IL1RAPL1: variants seen among roughly 807,000 people sequenced by gnomAD.
IL1RAPL1 encodes the protein interleukin 1 receptor accessory protein like 1.
In IL1RAPL1, 3 loss-of-function variants were observed where a neutral mutation model predicts 48.4. That is an observed-to-expected ratio of 0.06 (90% CI 0.03 to 0.16). The LOEUF is 0.16. Ranked by LOEUF, IL1RAPL1 falls within the 10% of genes least tolerant of loss-of-function variation. The pLI is 1.00. For missense variants in IL1RAPL1, 349 were observed against 530.6 expected (o/e 0.66, Z 3.36); for synonymous variants, 185 against 187.7 (o/e 0.99, Z 0.12).
chrX:29,295,758 C>T (rs981419619), intron 3 of IL1RAPL1, among the ~76,000 whole-genome samples: 1 of 111,366 alleles, frequency 9.0e-6, no homozygotes, highest in African/African-American at 3.3e-5. Context: ...CTCTGTCCAT[C>T]ATATCTACGC....
intron 5 of IL1RAPL1, among the ~76,000 whole-genome samples, chrX:29,551,227 G>A (rs760858532): frequency 4.9e-4 from 55 of 112,078 alleles, no homozygotes; most frequent in Non-Finnish European, 6.8e-4. Flanking sequence ...ATGAGCCCTT[G>A]GGTTGTTTCC....
chrX:28,852,440 G>A (rs977321763), intron 2 of IL1RAPL1, among the ~76,000 whole-genome samples: 5 of 109,746 alleles, frequency 4.6e-5, no homozygotes, highest in African/African-American at 1.0e-4. Flanking sequence ...TACTGTCTAT[G>A]TATTGTCTCA....
intron 1 of IL1RAPL1, among the ~76,000 whole-genome samples, chrX:28,654,706 A>G (rs1468463848): frequency 8.9e-6 from 1 of 111,957 alleles, no homozygotes; most frequent in Non-Finnish European, 1.9e-5. Context: ...AGCAACTACT[A>G]TGTGTCAGAC....
intron 3 of IL1RAPL1, among the ~76,000 whole-genome samples, chrX:29,355,713 C>T (rs1040288832): frequency 2.7e-5 from 3 of 111,451 alleles, no homozygotes; most frequent in African/African-American, 9.7e-5. Context: ...GGAAAAAGAC[C>T]GTATCTGTGA....
chrX:29,531,169 GT>G (rs34439376), intron 5 of IL1RAPL1, among the ~76,000 whole-genome samples: 10,663 of 104,678 alleles, frequency 0.1, 441 homozygotes, highest in South Asian at 0.29. Flanking sequence ...AAAAAAATCT[GT>G]TTTTTTTTTA....
At chrX:29,853,273 C>T (rs1931410554) in intron 6 of IL1RAPL1, among the ~76,000 whole-genome samples, 1 of 107,535 alleles carries the variant, frequency 9.3e-6, no homozygotes. Flanking sequence ...GTGGGAGGTC[C>T]CTTGAGCCTA....
Position 28,686,463 on chromosome X carries a change from C to T in IL1RAPL1, c.-25+98416C>T, listed in dbSNP as rs1319787120. ...CCAGTGGTCATTTGTGATTGACACA[C>T]TAAAAATATAATGTGAACACTTGGA... On this transcript the variant is annotated intron_variant, in intron 1 of 10. Coordinates refer to ENST00000378993, the MANE Select transcript of IL1RAPL1 (RefSeq NM_014271.4). Among the ~76,000 whole-genome samples, 4 of 111,843 alleles carry T rather than the reference C, an allele frequency of 3.6e-5. No homozygotes were observed. In the East Asian group the frequency reaches 8.4e-4, roughly 24 times the overall value.
chrX:29,154,718 G>A (rs1929533815), intron 2 of IL1RAPL1, among the ~76,000 whole-genome samples: 1 of 111,666 alleles, frequency 9.0e-6, no homozygotes, highest in Admixed American at 9.6e-5. Context: ...CAACCAAAGA[G>A]ATTATGACTT....
chrX:29,057,127 G>A (rs1282452870), intron 2 of IL1RAPL1, among the ~76,000 whole-genome samples: 3 of 111,712 alleles, frequency 2.7e-5, no homozygotes, highest in Non-Finnish European at 5.7e-5. Context: ...TTATGTCTAG[G>A]TAAACTGATG....
chrX:29,409,892 G>A (rs901331082), intron 5 of IL1RAPL1, among the ~76,000 whole-genome samples: 88 of 99,693 alleles, frequency 8.8e-4, no homozygotes, highest in African/African-American at 2.9e-3. Flanking sequence ...GCACGATATC[G>A]GCTCACCACA....
At chrX:29,018,975 A>G (rs1214627359) in intron 2 of IL1RAPL1, among the ~76,000 whole-genome samples, 1 of 111,926 alleles carries the variant, frequency 8.9e-6, no homozygotes, top group Non-Finnish European at 1.9e-5. Flanking sequence ...AAGCAGTATA[A>G]CTGACCTCAG....
Position 29,862,135 on chromosome X carries a change from G to A in IL1RAPL1, c.779-55329G>A, listed in dbSNP as rs189207217. Reference sequence around the variant, plus strand: ...GATCACACCAACTGCAGTCCAGCCTGGGCGACAGAGCAAGACCCTGTCTCA... The same window carrying A: ...GATCACACCAACTGCAGTCCAGCCTAGGCGACAGAGCAAGACCCTGTCTCA... On this transcript the variant is annotated intron_variant, in intron 6 of 10. Coordinates refer to ENST00000378993, the MANE Select transcript of IL1RAPL1 (RefSeq NM_014271.4). 1.7e-3 allele frequency among the ~76,000 whole-genome samples: 187 copies of A among 107,854 alleles called. 2 individuals carry two copies. Among genetic ancestry groups the A allele is most frequent in the African/African-American group, 6.3e-3 (183 of 28,893 alleles). 93.7% of individuals were successfully genotyped at this position (107,854 alleles called of 115,157 possible).
At chrX:28,923,526 C>A (rs1238046135) in intron 2 of IL1RAPL1, among the ~76,000 whole-genome samples, 2 of 111,506 alleles carry the variant, frequency 1.8e-5, no homozygotes, top group Non-Finnish European at 3.8e-5. Flanking sequence ...GAATATTGAA[C>A]TCTAGTGAAT....
intron 1 of IL1RAPL1, among the ~76,000 whole-genome samples, chrX:28,605,391 C>A (rs1934072419): frequency 9.0e-6 from 1 of 111,678 alleles, no homozygotes; most frequent in Non-Finnish European, 1.9e-5. Context: ...TTGTTCAGAC[C>A]CAAAACCTTG....
intron 5 of IL1RAPL1, among the ~76,000 whole-genome samples, chrX:29,505,169 G>C (rs954749769): frequency 7.2e-5 from 8 of 111,701 alleles, no homozygotes; most frequent in Non-Finnish European, 1.5e-4. Flanking sequence ...GTTTGACTCT[G>C]TTTTCTCAAT....
At chrX:28,724,423 C>G (rs1170869163) in intron 1 of IL1RAPL1, among the ~76,000 whole-genome samples, 2 of 110,272 alleles carry the variant, frequency 1.8e-5, no homozygotes, top group African/African-American at 6.6e-5. Context: ...CAACCCCTGC[C>G]TTTTTTTTGT....
rs144867513 is a variant in IL1RAPL1 at position 29,018,096 on chromosome X, G to A, written c.82+228671G>A. ...ACCTGGTTCTCCATATCCAATTCAT[G>A]ATTATCACCTTTGTATTGATATTTT... On this transcript the variant is annotated intron_variant, in intron 2 of 10. Transcript: ENST00000378993. Among the ~76,000 whole-genome samples the A allele has an allele frequency of 3.9e-3, 431 of 111,731 alleles. 7 individuals are homozygous for A. In the East Asian group the frequency reaches 0.045, roughly 12 times the overall value.
chrX:29,315,660 G>T (rs1033860605), intron 3 of IL1RAPL1, among the ~76,000 whole-genome samples: 1 of 111,728 alleles, frequency 9.0e-6, no homozygotes, highest in Non-Finnish European at 1.9e-5. Flanking sequence ...TAAGGTCCAC[G>T]TGCAAAATTC....
chrX:29,427,673 C>G (rs1012691427), intron 5 of IL1RAPL1, among the ~76,000 whole-genome samples: 1 of 111,050 alleles, frequency 9.0e-6, no homozygotes, highest in African/African-American at 3.3e-5. Flanking sequence ...TGCCAGGATG[C>G]AAAAATGTCT....
Sources: allele counts gnomAD v4.1 joint callset (sites outside exome capture counted in the v4.1 genomes callset), GRCh38; gene constraint gnomAD v4.1.1; transcripts MANE v1.5; gene names NCBI Gene and HGNC (gene_info 2026-07-23, HGNC 2026-07-21).